Variants in SLC4A8 observed in about 807,000 individuals in gnomAD.
SLC4A8 encodes electroneutral sodium bicarbonate exchanger 1.
A neutral mutation model predicts 125.0 loss-of-function variants in SLC4A8; 40 were observed. The ratio of observed to expected loss-of-function variants is 0.32; its 90% CI spans 0.25 to 0.42. The LOEUF (loss-of-function observed/expected upper bound fraction) is 0.42. Ranked by LOEUF, SLC4A8 falls within the 10% of genes least tolerant of loss-of-function variation. SLC4A8 has a pLI of 1.00. For missense variants in SLC4A8, 863 were observed against 1,355.1 expected (o/e 0.64, Z 5.70); for synonymous variants, 456 against 476.0 (o/e 0.96, Z 0.55).
intron 1 of SLC4A8, among the ~76,000 whole-genome samples, chr12:51,411,561 C>CA (rs1488400194): frequency 6.6e-6 from 1 of 151,930 alleles, no homozygotes; most frequent in Non-Finnish European, 1.5e-5. Context: ...TGTACTCCAG[C>CA]CTGGATGATG....
intron 13 of SLC4A8, among the ~76,000 whole-genome samples, chr12:51,470,983 G>T (rs1359477073): frequency 6.6e-6 from 1 of 151,930 alleles, no homozygotes; most frequent in Non-Finnish European, 1.5e-5. Context: ...CAGCTCATGG[G>T]ACTATGGCCA....
chr12:51,459,827 C>T, intron 7 of SLC4A8, 124 bp from the exon 8 acceptor site: 2 of 764,882 alleles, frequency 2.6e-6, no homozygotes, highest in Non-Finnish European at 4.3e-6. Context: ...TGAGATTGCG[C>T]CACTGCACTC....
At chr12:51,412,166 C>A (rs1400931945) in intron 1 of SLC4A8, among the ~76,000 whole-genome samples, 1 of 152,040 alleles carries the variant, frequency 6.6e-6, no homozygotes, top group African/African-American at 2.4e-5. Context: ...GCCTAATAAT[C>A]AATTTTGATA....
chr12:51,411,763 T>C (rs750680134), intron 1 of SLC4A8, among the ~76,000 whole-genome samples: 1 of 152,166 alleles, frequency 6.6e-6, no homozygotes, highest in African/African-American at 2.4e-5. Context: ...GCTTAAGTGT[T>C]TAAGAAGTTC....
At chr12:51,462,155 C>T in intron 9 of SLC4A8, 155 bp from the exon 10 acceptor site, 1 of 657,030 alleles carries the variant, frequency 1.5e-6, no homozygotes, top group Non-Finnish European at 2.6e-6. Context: ...TCCTTTTATC[C>T]TTGCACTTCT....
At chr12:51,441,216 A>G (rs996801563) in intron 2 of SLC4A8, 3 of 982,492 alleles carry the variant, frequency 3.1e-6, no homozygotes, top group Non-Finnish European at 3.6e-6. Flanking sequence ...CCCATTTCCA[A>G]TATTTACTGT....
At chr12:51,447,932 G>A (rs900669650) in intron 2 of SLC4A8, among the ~76,000 whole-genome samples, 1 of 151,578 alleles carries the variant, frequency 6.6e-6, no homozygotes, top group Admixed American at 6.6e-5. Context: ...TGTTAGCCAG[G>A]ATTGTCTTGA....
chr12:51,405,301 C>G (rs1948463811), intron 1 of SLC4A8, among the ~76,000 whole-genome samples: 1 of 152,188 alleles, frequency 6.6e-6, no homozygotes, highest in Admixed American at 6.5e-5. Context: ...AATAGAGAGG[C>G]AAGAGGCTGG....
rs1938396840 is a variant in SLC4A8, at chr12:51,512,382, A to G, written c.*4944A>G. On this transcript the variant is annotated 3_prime_UTR_variant, in exon 25 of 25. Coordinates refer to ENST00000453097, the MANE Select transcript of SLC4A8 (RefSeq NM_001039960.3). ...TTTCCTTTGGCCGGGTCTGTTAGTTACTTTTGAAGGCCATGCCAACCCTTT... is the reference window on the plus strand; with the variant it reads ...TTTCCTTTGGCCGGGTCTGTTAGTTGCTTTTGAAGGCCATGCCAACCCTTT... The G allele has an allele frequency of 6.6e-6, 1 of 151,956 alleles. No homozygotes were observed. Among genetic ancestry groups the G allele is most frequent in the Admixed American group, 6.6e-5 (1 of 15,246 alleles). 9.4% of individuals were successfully genotyped at this position (151,956 alleles called of 1,614,324 possible).
In SLC4A8 at chr12:51,474,435, C is replaced by T. The variant is rs754359699; in HGVS notation, c.1998C>T (p.Asn666=). ...TGACAGCAGAAGTCCACTGGGCTAACCTGACTGTCAGTGTAAGTCTGGGAG... is the reference window on the plus strand; with the variant it reads ...TGACAGCAGAAGTCCACTGGGCTAATCTGACTGTCAGTGTAAGTCTGGGAG... ...NIVTAEVHWA[N]LTVSECQEMH... The change falls in exon 15 of 25, where the codon AAC becomes AAT. Residue 666 remains asparagine (N), a synonymous_variant. Transcript: ENST00000453097. The T allele has an allele frequency of 1.2e-6, 2 of 1,613,514 alleles. No homozygotes were observed. Among genetic ancestry groups the T allele is most frequent in the Non-Finnish European group, 1.7e-6 (2 of 1,179,534 alleles).
intron 18 of SLC4A8, among the ~76,000 whole-genome samples, chr12:51,489,288 GCAA>G (rs1798282025): frequency 6.6e-6 from 1 of 152,096 alleles, no homozygotes; most frequent in Admixed American, 6.5e-5. Context: ...AACAGAGCAG[GCAA>G]GCAATATCCA....
intron 1 of SLC4A8, among the ~76,000 whole-genome samples, chr12:51,414,471 C>G (rs1205704046): frequency 6.6e-6 from 1 of 152,070 alleles, no homozygotes; most frequent in East Asian, 1.9e-4. Context: ...TAAGAGTGGG[C>G]CGGATGTAGT....
chr12:51,507,157 G>A (rs1938206071), intron 24 of SLC4A8, among the ~76,000 whole-genome samples: 1 of 152,238 alleles, frequency 6.6e-6, no homozygotes, highest in Admixed American at 6.5e-5. Flanking sequence ...GTGGGTGGTA[G>A]TGGTGATTTA....
At chr12:51,454,025 A>G (rs1950051111) in intron 5 of SLC4A8, among the ~76,000 whole-genome samples, 1 of 152,210 alleles carries the variant, frequency 6.6e-6, no homozygotes, top group Non-Finnish European at 1.5e-5. Context: ...CCTCGGGTGC[A>G]GTGGCTCACA....
chr12:51,426,573 T>A (rs1273507564), intron 1 of SLC4A8, among the ~76,000 whole-genome samples: 1 of 152,002 alleles, frequency 6.6e-6, no homozygotes, highest in Non-Finnish European at 1.5e-5. Flanking sequence ...AGCTAAAGGA[T>A]GAATAAATGT....
intron 1 of SLC4A8, among the ~76,000 whole-genome samples, chr12:51,395,671 C>T (rs1948245474): frequency 6.6e-6 from 1 of 152,162 alleles, no homozygotes; most frequent in African/African-American, 2.4e-5. Context: ...ATGCCGTGAA[C>T]TTGCCAAGGA....
At chr12:51,429,797 C>T (rs1050493259) in intron 1 of SLC4A8, among the ~76,000 whole-genome samples, 3 of 151,938 alleles carry the variant, frequency 2.0e-5, no homozygotes, top group Non-Finnish European at 4.4e-5. Flanking sequence ...GCATGACCAC[C>T]ACGCCCAGCC....
intron 22 of SLC4A8, among the ~76,000 whole-genome samples, chr12:51,498,552 A>T (rs956032792): frequency 4.6e-5 from 7 of 151,680 alleles, no homozygotes; most frequent in African/African-American, 1.5e-4. Context: ...AGTGTTGGCA[A>T]GACTGTAATT....
chr12:51,460,162 T>A, intron 8 of SLC4A8, 54 bp downstream of exon 8: 1 of 1,399,250 alleles, frequency 7.1e-7, no homozygotes, highest in Non-Finnish European at 1.0e-6. Flanking sequence ...ATTTATGTAG[T>A]GCTGGTAGAA....
Sources: gnomAD v4.1 joint callset for allele counts (sites outside exome capture counted in the v4.1 genomes callset) on GRCh38, gnomAD v4.1.1 for gene constraint, MANE v1.5 for transcripts, NCBI Gene and HGNC (gene_info 2026-07-23, HGNC 2026-07-21) for gene names.